The following DNAJC24 variants were observed in gnomAD, a reference collection of about 807,000 sequenced individuals.
The protein encoded by DNAJC24 is dnaJ homolog subfamily C member 24.
Under a neutral mutation model 18.0 loss-of-function variants are expected in DNAJC24, and 17 were observed. The observed-to-expected ratio is 0.94, with a 90% CI of 0.65 to 1.42. The LOEUF (loss-of-function observed/expected upper bound fraction) is 1.42, where lower values mean the gene tolerates loss of function less well. Ranked by LOEUF, DNAJC24 falls within the 40% of genes most tolerant of loss-of-function variation. DNAJC24 has a pLI of 0.00. For missense variants in DNAJC24, 158 were observed against 175.6 expected (o/e 0.90, Z 0.57); for synonymous variants, 55 against 57.7 (o/e 0.95, Z 0.21).
intron 2 of DNAJC24, among the ~76,000 whole-genome samples, chr11:31,404,112 G>A (rs962785993): frequency 6.6e-6 from 1 of 152,104 alleles, no homozygotes; most frequent in African/African-American, 2.4e-5. Flanking sequence ...GGTCACTCTC[G>A]TGGCCATCTT....
At chr11:31,407,231 A>T (rs955605901) in intron 2 of DNAJC24, among the ~76,000 whole-genome samples, 1 of 152,224 alleles carries the variant, frequency 6.6e-6, no homozygotes, top group African/African-American at 2.4e-5. Context: ...AGATTTGCCC[A>T]GAGTCCTTTT....
chr11:31,371,059 G>A (rs1952237527), intron 2 of DNAJC24, among the ~76,000 whole-genome samples, 200 bp downstream of exon 2: 1 of 152,316 alleles, frequency 6.6e-6, no homozygotes, highest in Non-Finnish European at 1.5e-5. Context: ...GGAGATCTGA[G>A]TCAGGCTGCT....
chr11:31,372,241 C>T lies in DNAJC24; in HGVS notation c.111+1382C>T, dbSNP rs962914324. 5.9e-5 allele frequency among the ~76,000 whole-genome samples: 5 copies of T among 85,178 alleles called. 2 individuals are homozygous for T. Among genetic ancestry groups the T allele is most frequent in the Non-Finnish European group, 1.4e-4 (4 of 29,366 alleles). 55.9% of individuals were successfully genotyped at this position (85,178 alleles called of 152,430 possible). On this transcript the variant is annotated intron_variant, in intron 2 of 4. Coordinates refer to ENST00000465995, the MANE Select transcript of DNAJC24 (RefSeq NM_181706.5). Reference sequence around the variant, plus strand: ...GCCAATGTCTGTAATTCTATACCGACGTCCGGTTAACTCAGTTTATAAAGA... The same window carrying T: ...GCCAATGTCTGTAATTCTATACCGATGTCCGGTTAACTCAGTTTATAAAGA...
chr11:31,371,525 A>G (rs917514653), intron 2 of DNAJC24, among the ~76,000 whole-genome samples: 2 of 152,222 alleles, frequency 1.3e-5, no homozygotes, highest in African/African-American at 2.4e-5. Flanking sequence ...TGTTTCTACT[A>G]TATCCTTTAA....
At chr11:31,425,830 C>A (rs1431888633) in intron 3 of DNAJC24, among the ~76,000 whole-genome samples, 1 of 152,134 alleles carries the variant, frequency 6.6e-6, no homozygotes, top group African/African-American at 2.4e-5. Context: ...TAGAGATGAA[C>A]AAACCAATAC....
At chr11:31,402,140 G>A (rs1476677491) in intron 2 of DNAJC24, among the ~76,000 whole-genome samples, 4 of 152,178 alleles carry the variant, frequency 2.6e-5, no homozygotes, top group Non-Finnish European at 5.9e-5. Flanking sequence ...GGGCTTTGTG[G>A]TATAGCCTTT....
rs780797987 is a variant in DNAJC24, at chr11:31,372,246, G to A, written c.111+1387G>A. Among the ~76,000 whole-genome samples, 34 of 83,320 alleles carry A rather than the reference G, an allele frequency of 4.1e-4. 4 individuals carry two copies. The highest frequency in any genetic ancestry group is 6.3e-4 in the East Asian group (3 of 4,740). 54.7% of individuals were successfully genotyped at this position (83,320 alleles called of 152,430 possible). On this transcript the variant is annotated intron_variant, in intron 2 of 4. Coordinates refer to ENST00000465995, the MANE Select transcript of DNAJC24 (RefSeq NM_181706.5). ...TGTCTGTAATTCTATACCGACGTCC[G>A]GTTAACTCAGTTTATAAAGAGTAAA... is the stretch of plus-strand genomic sequence containing the variant.
chr11:31,374,236 A>G, intron 2 of DNAJC24: 1 of 239,430 alleles, frequency 4.2e-6, no homozygotes, highest in Non-Finnish European at 9.3e-6. Context: ...ATGTTTTTAA[A>G]GATGCCCTTT....
intron 2 of DNAJC24, among the ~76,000 whole-genome samples, chr11:31,405,135 C>T (rs1374766345): frequency 3.5e-4 from 52 of 149,250 alleles, no homozygotes; most frequent in Non-Finnish European, 1.0e-4. Context: ...AGTGGTGTGA[C>T]CTCAGCTCAC....
intron 4 of DNAJC24, 57 bp downstream of exon 4, chr11:31,426,412 A>G: frequency 8.3e-6 from 8 of 968,930 alleles, no homozygotes; most frequent in Non-Finnish European, 1.2e-5. Flanking sequence ...TTTCTATAAG[A>G]AAAAAAAACT....
chr11:31,394,020 A>G (rs1402280734), intron 2 of DNAJC24, among the ~76,000 whole-genome samples: 1 of 152,168 alleles, frequency 6.6e-6, no homozygotes, highest in Non-Finnish European at 1.5e-5. Flanking sequence ...ATGTTATTTA[A>G]TATATATTGT....
At chr11:31,399,517 G>A (rs571359992) in intron 2 of DNAJC24, among the ~76,000 whole-genome samples, 49 of 150,998 alleles carry the variant, frequency 3.2e-4, no homozygotes, top group African/African-American at 1.1e-3. Context: ...GGGTTCAAGC[G>A]ATTCTTCTGC....
rs958440955 is a variant in DNAJC24 at position 31,426,579 on chromosome 11, A to C, written c.319+224A>C. 5 of 388,386 alleles carry C rather than the reference A, an allele frequency of 1.3e-5. No homozygotes were observed. The Admixed American group carries it at 1.8e-4, about 14-fold the overall frequency. 24.1% of individuals were successfully genotyped at this position (388,386 alleles called of 1,614,324 possible). ...TCATTTCCAGTTATTTTTATATTCTAATTAGATGTTAGGAACATAAAGTTT... is the reference window on the plus strand; with the variant it reads ...TCATTTCCAGTTATTTTTATATTCTCATTAGATGTTAGGAACATAAAGTTT... On this transcript the variant is annotated intron_variant, in intron 4 of 4. Transcript: ENST00000465995.
At chr11:31,402,884 G>A (rs889250311) in intron 2 of DNAJC24, among the ~76,000 whole-genome samples, 2 of 137,592 alleles carry the variant, frequency 1.5e-5, no homozygotes, top group African/African-American at 5.5e-5. Flanking sequence ...ATTGTACTGT[G>A]ACATTATAAC....
At chr11:31,379,960 G>A (rs1250038164) in intron 2 of DNAJC24, among the ~76,000 whole-genome samples, 3 of 151,964 alleles carry the variant, frequency 2.0e-5, no homozygotes, top group African/African-American at 4.8e-5. Flanking sequence ...AGTAGAGACA[G>A]GGTTTCACCA....
chr11:31,419,345 G>A (rs749186217), intron 3 of DNAJC24, among the ~76,000 whole-genome samples: 2 of 152,018 alleles, frequency 1.3e-5, no homozygotes, highest in African/African-American at 2.4e-5. Flanking sequence ...GACAGTTGGG[G>A]ACTGGCTTTA....
Position 31,432,569 on chromosome 11 carries a change from C to G in DNAJC24, c.*2168C>G, listed in dbSNP as rs752027802. On this transcript the variant is annotated 3_prime_UTR_variant, in exon 5 of 5. Coordinates refer to ENST00000465995, the MANE Select transcript of DNAJC24 (RefSeq NM_181706.5). The stretch of plus-strand genomic sequence containing the variant: ...ATCCAAAATCACTCAGAGGCCAAAT[C>G]TGTAAAATCAAAATGAGGTTGAAGA... The G allele has an allele frequency of 3.1e-6, 5 of 1,607,842 alleles. No individual in the cohort carries two copies. Among genetic ancestry groups the G allele is most frequent in the Admixed American group, 1.7e-5 (1 of 59,964 alleles).
At position 31,432,775 on chromosome 11, in the gene DNAJC24, A is replaced by T. The variant is rs1029741509; in HGVS notation, c.*2374A>T. On this transcript the variant is annotated 3_prime_UTR_variant, in exon 5 of 5. Transcript: ENST00000465995. ...ATGTTTAAACTCCAAAGTTTGGGAC[A>T]TTCAAACAATGTACATGAAATTATA... is the stretch of plus-strand genomic sequence containing the variant. Among the ~76,000 whole-genome samples, 1 of 152,228 alleles carries T rather than the reference A, an allele frequency of 6.6e-6. No individual in the cohort carries two copies. Among genetic ancestry groups the T allele is most frequent in the African/African-American group, 2.4e-5 (1 of 41,466 alleles).
intron 2 of DNAJC24, among the ~76,000 whole-genome samples, chr11:31,371,814 CTTTTTTT>C (rs1196949855): frequency 5.4e-5 from 4 of 73,844 alleles, no homozygotes; most frequent in Admixed American, 1.6e-4. Flanking sequence ...TATCAGTTGA[CTTTTTTT>C]TTTTTTTTTT....
Sources: allele counts gnomAD v4.1 joint callset (sites outside exome capture counted in the v4.1 genomes callset), GRCh38; gene constraint gnomAD v4.1.1; transcripts MANE v1.5; gene names NCBI Gene and HGNC (gene_info 2026-07-23, HGNC 2026-07-21).